Variants in GPHN observed in about 807,000 individuals in gnomAD.
GPHN encodes gephyrin.
In GPHN, 17 loss-of-function variants were observed where a neutral mutation model predicts 95.5. The observed-to-expected ratio is 0.18, with a 90% CI of 0.12 to 0.27. The LOEUF is 0.27. Among genes scored for constraint, GPHN ranks in the 10% least tolerant of loss-of-function variants. The pLI, the probability that GPHN is intolerant of heterozygous loss-of-function variation, is 1.00. For synonymous variants in GPHN, 320 were observed against 322.5 expected, an observed-to-expected ratio of 0.99 and a Z score of 0.08; for missense variants, 660 against 978.1, an observed-to-expected ratio of 0.67 and a Z score of 4.34.
chr14:67,469,186 G>A, the GPHN span, among the ~76,000 whole-genome samples: 7 of 152,182 alleles, frequency 4.6e-5, no homozygotes, highest in Admixed American at 6.5e-5. Flanking sequence ...GGGCCCTCCC[G>A]ATGATTTAGA....
chr14:66,958,287 A>G (rs753013516), intron 8 of GPHN, among the ~76,000 whole-genome samples: 9 of 152,036 alleles, frequency 5.9e-5, no homozygotes, highest in Non-Finnish European at 1.2e-4. Context: ...GTCTGATATT[A>G]CTGTAGCTTC....
the GPHN span, among the ~76,000 whole-genome samples, chr14:67,717,243 G>C: frequency 6.6e-6 from 1 of 152,208 alleles, no homozygotes; most frequent in African/African-American, 2.4e-5. Flanking sequence ...CCAAAGTCCT[G>C]TTGAGAGATA....
intron 2 of GPHN, among the ~76,000 whole-genome samples, chr14:66,689,648 A>G (rs978867087): frequency 1.3e-5 from 2 of 152,092 alleles, no homozygotes; most frequent in Non-Finnish European, 2.9e-5. Context: ...TAAATGTTTG[A>G]TAGAATTCAA....
At chr14:66,955,924 A>G (rs1458336008) in intron 8 of GPHN, among the ~76,000 whole-genome samples, 15 of 152,158 alleles carry the variant, frequency 9.9e-5, no homozygotes, top group Admixed American at 9.8e-4. Context: ...CATGGTGTAT[A>G]TGTGCCACAT....
chr14:67,135,858 T>C (rs192408107), intron 17 of GPHN, among the ~76,000 whole-genome samples: 1 of 152,334 alleles, frequency 6.6e-6, no homozygotes, highest in Admixed American at 6.5e-5. Context: ...TGTCTTCTTA[T>C]TATTTTCTGC....
At chr14:67,551,797 G>A in the GPHN span, among the ~76,000 whole-genome samples, 40 of 152,134 alleles carry the variant, frequency 2.6e-4, no homozygotes, top group African/African-American at 9.2e-4. Flanking sequence ...ATCGAGAATC[G>A]CTTGAACCTG....
chr14:67,042,774 A>G (rs187831522), intron 10 of GPHN, among the ~76,000 whole-genome samples: 120 of 152,262 alleles, frequency 7.9e-4, no homozygotes, highest in Non-Finnish European at 5.3e-4. Context: ...AAGAAAGTCA[A>G]TGGTAGCTTG....
chr14:66,630,483 G>C (rs566682215), intron 1 of GPHN, among the ~76,000 whole-genome samples: 1 of 149,288 alleles, frequency 6.7e-6, no homozygotes, highest in East Asian at 1.9e-4. Context: ...TATTGTTGTT[G>C]TTGTTATTTT....
At chr14:67,445,747 G>A in the GPHN span, among the ~76,000 whole-genome samples, 1 of 151,534 alleles carries the variant, frequency 6.6e-6, no homozygotes, top group Admixed American at 6.6e-5. Context: ...ACTACACCTG[G>A]CTAATTTTTG....
At chr14:66,632,489 CT>C (rs60856342) in intron 1 of GPHN, among the ~76,000 whole-genome samples, 47,381 of 122,828 alleles carry the variant, frequency 0.39, 12,257 homozygotes, top group African/African-American at 0.71. Flanking sequence ...ACAATACATT[CT>C]TTTTTTTTTT....
In GPHN at chr14:67,105,287, GA is replaced by G. The variant is rs529503930; in HGVS notation, c.1293+4385del. The stretch of plus-strand genomic sequence containing the variant: ...TCTGGAGAATGTTCCATGTGCAAGT[GA>G]AAAAAAAATGTGTATTTTATAGCTC... On this transcript the variant is annotated intron_variant, in intron 13 of 22. Coordinates refer to ENST00000478722, the MANE Select transcript of GPHN (RefSeq NM_020806.5). Among the ~76,000 whole-genome samples the G allele has an allele frequency of 1.1e-3, 170 of 150,412 alleles. 1 individual carries two copies. Among genetic ancestry groups the G allele is most frequent in the African/African-American group, 4.0e-3 (163 of 41,078 alleles).
At chr14:67,162,845 G>C (rs1032152469) in intron 19 of GPHN, among the ~76,000 whole-genome samples, 1 of 152,118 alleles carries the variant, frequency 6.6e-6, no homozygotes, top group South Asian at 2.1e-4. Flanking sequence ...GAACAACCTT[G>C]GTTCAAATCT....
intron 21 of GPHN, among the ~76,000 whole-genome samples, chr14:67,171,214 A>C (rs1484841690): frequency 6.6e-6 from 1 of 152,128 alleles, no homozygotes; most frequent in Admixed American, 6.5e-5. Flanking sequence ...AATGTAAAAA[A>C]AAAATGAAAA....
intron 1 of GPHN, among the ~76,000 whole-genome samples, chr14:66,663,468 C>A (rs1441628829): frequency 6.6e-6 from 1 of 152,100 alleles, no homozygotes; most frequent in Non-Finnish European, 1.5e-5. Context: ...CAATAGCTCC[C>A]AAAAGAAGCA....
chr14:67,115,734 CAA>C (rs35393713), intron 16 of GPHN, among the ~76,000 whole-genome samples: 10 of 123,842 alleles, frequency 8.1e-5, no homozygotes, highest in African/African-American at 6.0e-5. Flanking sequence ...GACTCCATCT[CAA>C]AAAAAAAAAA....
the GPHN span, among the ~76,000 whole-genome samples, chr14:67,327,140 A>G: frequency 2.0e-5 from 3 of 152,058 alleles, no homozygotes; most frequent in Admixed American, 6.6e-5. Context: ...GCGCCACTGC[A>G]CTCCTGCCTG....
intron 3 of GPHN, among the ~76,000 whole-genome samples, chr14:66,811,358 T>C (rs1256101054): frequency 1.9e-4 from 29 of 152,202 alleles, no homozygotes; most frequent in Non-Finnish European, 1.5e-5. Flanking sequence ...CATGTGTGTG[T>C]ATTTTTTTAT....
At chr14:66,891,982 G>A (rs2064536440) in intron 5 of GPHN, among the ~76,000 whole-genome samples, 4 of 152,076 alleles carry the variant, frequency 2.6e-5, no homozygotes, top group African/African-American at 4.8e-5. Context: ...TAAATAAGTG[G>A]TGGCAGAATG....
At chr14:66,549,331 G>A (rs368305210) in intron 1 of GPHN, among the ~76,000 whole-genome samples, 3 of 152,172 alleles carry the variant, frequency 2.0e-5, no homozygotes, top group Non-Finnish European at 2.9e-5. Context: ...AAGCAAAACA[G>A]CCATATCGCT....
Sources: allele counts gnomAD v4.1 joint callset (sites outside exome capture counted in the v4.1 genomes callset), GRCh38; gene constraint gnomAD v4.1.1; transcripts MANE v1.5; gene names NCBI Gene and HGNC (gene_info 2026-07-23, HGNC 2026-07-21).